Variants in MGMT observed in about 807,000 individuals in gnomAD.
MGMT encodes O-6-methylguanine-DNA methyltransferase, also known as methylated-DNA--protein-cysteine methyltransferase.
A neutral mutation model predicts 15.9 loss-of-function variants in MGMT; 14 were observed. The ratio of observed to expected loss-of-function variants is 0.88; its 90% confidence interval spans 0.58 to 1.37. The LOEUF (loss-of-function observed/expected upper bound fraction) is 1.37. Among genes scored for constraint, MGMT ranks in the 40% most tolerant of loss-of-function variants. The pLI, the probability that MGMT is intolerant of heterozygous loss-of-function variation, is 0.00. For missense variants in MGMT, 282 were observed against 268.1 expected (o/e 1.05, Z -0.36); for synonymous variants, 130 against 118.2 (o/e 1.10, Z -0.65).
intron 2 of MGMT, among the ~76,000 whole-genome samples, chr10:129,643,529 C>T (rs966257014): frequency 6.6e-6 from 1 of 152,126 alleles, no homozygotes; most frequent in Non-Finnish European, 1.5e-5. Flanking sequence ...GCTTGAGAGT[C>T]GAGCTCCACC....
chr10:129,485,874 G>T (rs758639783), intron 1 of MGMT, among the ~76,000 whole-genome samples: 3 of 152,170 alleles, frequency 2.0e-5, no homozygotes, highest in Non-Finnish European at 4.4e-5. Context: ...AAGCCCTCTG[G>T]CCCTGACCCC....
intron 2 of MGMT, among the ~76,000 whole-genome samples, chr10:129,602,762 A>G (rs1284998908): frequency 6.6e-6 from 1 of 152,010 alleles, no homozygotes; most frequent in East Asian, 1.9e-4. Flanking sequence ...TTTCCAGCTC[A>G]ACATTGAGGT....
intron 2 of MGMT, 103 bp from the exon 3 acceptor site, chr10:129,707,792 C>T: frequency 6.8e-7 from 1 of 1,474,674 alleles, no homozygotes; most frequent in Non-Finnish European, 9.3e-7. Context: ...GCCCATGAAG[C>T]AGCCACAGGT....
intron 3 of MGMT, among the ~76,000 whole-genome samples, chr10:129,717,195 C>T (rs947278853): frequency 6.6e-6 from 1 of 152,208 alleles, no homozygotes; most frequent in Admixed American, 6.5e-5. Flanking sequence ...CAGTGTGATA[C>T]CCTTGCCACG....
chr10:129,723,381 C>T (rs557144933), intron 3 of MGMT, among the ~76,000 whole-genome samples: 5 of 152,222 alleles, frequency 3.3e-5, no homozygotes, highest in African/African-American at 1.2e-4. Flanking sequence ...ATATTATTCA[C>T]CATGACCTTG....
chr10:129,523,212 G>T (rs1304094885), intron 1 of MGMT, among the ~76,000 whole-genome samples: 4 of 152,218 alleles, frequency 2.6e-5, no homozygotes. Flanking sequence ...CGGGGGCCTC[G>T]GCGGGCACAG....
rs148421030 is a variant in MGMT at position 129,769,706 on chromosome 10, T to A, written c.*2709T>A. Among the ~76,000 whole-genome samples the A allele has an allele frequency of 8.5e-5, 13 of 152,320 alleles. No individual in the cohort carries two copies. Among genetic ancestry groups the A allele is most frequent in the Admixed American group, 3.9e-4 (6 of 15,300 alleles). On this transcript the variant is annotated 3_prime_UTR_variant, in exon 5 of 5. Transcript: ENST00000651593. ...TTGTGAGGGGTTGTCCTTCTCCCAGTCTCTCTTCCCGCTGGGAACAGAAGT... is the reference window on the plus strand; with the variant it reads ...TTGTGAGGGGTTGTCCTTCTCCCAGACTCTCTTCCCGCTGGGAACAGAAGT...
At chr10:129,683,420 G>A (rs1235083217) in intron 2 of MGMT, among the ~76,000 whole-genome samples, 1 of 152,136 alleles carries the variant, frequency 6.6e-6, no homozygotes, top group Non-Finnish European at 1.5e-5. Flanking sequence ...CCTAGTATTT[G>A]AACAACATAA....
At chr10:129,531,686 T>C (rs1845933559) in intron 1 of MGMT, among the ~76,000 whole-genome samples, 1 of 151,176 alleles carries the variant, frequency 6.6e-6, no homozygotes, top group African/African-American at 2.4e-5. Context: ...TCTGGTTGTC[T>C]ACCGGAAAAA....
At chr10:129,656,316 A>G (rs1238780286) in intron 2 of MGMT, among the ~76,000 whole-genome samples, 2 of 152,156 alleles carry the variant, frequency 1.3e-5, no homozygotes, top group Non-Finnish European at 2.9e-5. Flanking sequence ...CCCAGTGAAC[A>G]TGGGCTTCAG....
chr10:129,758,563 G>C (rs1272588970), intron 3 of MGMT, among the ~76,000 whole-genome samples: 3 of 152,104 alleles, frequency 2.0e-5, no homozygotes, highest in African/African-American at 7.2e-5. Flanking sequence ...GCAGGATGCG[G>C]CACAAATGCA....
chr10:129,587,358 A>G (rs572318129), intron 2 of MGMT, among the ~76,000 whole-genome samples: 1 of 144,302 alleles, frequency 6.9e-6, no homozygotes, highest in African/African-American at 2.6e-5. Context: ...GGTAGTTTCT[A>G]TTATGTTTTT....
chr10:129,599,256 C>T (rs550076722), intron 2 of MGMT, among the ~76,000 whole-genome samples: 43 of 152,286 alleles, frequency 2.8e-4, no homozygotes, highest in African/African-American at 8.9e-4. Context: ...GAGTAGGCTA[C>T]GGTCTGTTTA....
intron 2 of MGMT, among the ~76,000 whole-genome samples, chr10:129,625,624 G>A (rs1847138040): frequency 6.6e-6 from 1 of 152,190 alleles, no homozygotes; most frequent in Non-Finnish European, 1.5e-5. Context: ...ACCAAAAAAA[G>A]CATTTGACAA....
chr10:129,517,478 G>A (rs1845751257), intron 1 of MGMT, among the ~76,000 whole-genome samples: 1 of 152,158 alleles, frequency 6.6e-6, no homozygotes, highest in South Asian at 2.1e-4. Flanking sequence ...TGATGGCTCT[G>A]GCAACTTTCT....
intron 2 of MGMT, among the ~76,000 whole-genome samples, chr10:129,627,430 AG>A (rs1043410881): frequency 0.018 from 1,029 of 56,656 alleles, 10 homozygotes; most frequent in African/African-American, 0.037. Flanking sequence ...AAAGAAAGAA[AG>A]AAAAAAGCAG....
rs139167829 is a variant in MGMT at position 129,561,554 on chromosome 10, A to G, written c.125+25177A>G. Among the ~76,000 whole-genome samples the G allele has an allele frequency of 4.6e-4, 70 of 152,252 alleles. 1 individual carries two copies. In the East Asian group the frequency reaches 0.01, roughly 23 times the overall value. On this transcript the variant is annotated intron_variant, in intron 2 of 4. Transcript: ENST00000651593. ...CCTTCCCATTCTAACGATTTTGTCA[A>G]TTTCGGTGTCAAGGTGATATCTTGT...
intron 2 of MGMT, among the ~76,000 whole-genome samples, chr10:129,544,964 A>C (rs1846083498): frequency 6.6e-6 from 1 of 152,086 alleles, no homozygotes; most frequent in Non-Finnish European, 1.5e-5. Flanking sequence ...GATGTCAAGG[A>C]AGTGAGGACT....
At chr10:129,571,159 CAT>C (rs1464541388) in intron 2 of MGMT, among the ~76,000 whole-genome samples, 1 of 152,058 alleles carries the variant, frequency 6.6e-6, no homozygotes, top group Non-Finnish European at 1.5e-5. Flanking sequence ...TTAAAGAAGT[CAT>C]AAAAAATGAA....
Sources: allele counts gnomAD v4.1 joint callset (sites outside exome capture counted in the v4.1 genomes callset), GRCh38; gene constraint gnomAD v4.1.1; transcripts MANE v1.5; gene names NCBI Gene and HGNC (gene_info 2026-07-23, HGNC 2026-07-21).